PMPCA: variants seen among roughly 807,000 people sequenced by gnomAD.
PMPCA encodes peptidase, mitochondrial processing subunit alpha.
PMPCA carries 47 observed loss-of-function variants against 59.3 expected under a neutral mutation model. The ratio of observed to expected loss-of-function variants is 0.79; its 90% CI spans 0.63 to 1.01. PMPCA has a LOEUF of 1.01. Ranked by LOEUF, PMPCA falls within the 50% of genes least tolerant of loss-of-function variation. PMPCA has a pLI of 0.00. For synonymous variants in PMPCA, 338 were observed against 290.3 expected, an observed-to-expected ratio of 1.16 and a Z score of -1.67; for missense variants, 726 against 704.5, an observed-to-expected ratio of 1.03 and a Z score of -0.34.
chr9:136,423,571 T>G lies in PMPCA; in HGVS notation c.*307T>G. On this transcript the variant is annotated 3_prime_UTR_variant, in exon 13 of 13. Transcript: ENST00000371717. The stretch of plus-strand genomic sequence containing the variant: ...CTGTGGGCACATGGGGCCCCGCAGG[T>G]TCCTTGGAGGAGCCCTGAGCTGGGA... 3.0e-6 allele frequency: 1 copy of G among 329,590 alleles called. No homozygotes were observed. The highest frequency in any genetic ancestry group is 6.1e-5 in the East Asian group (1 of 16,498). 20.4% of individuals were successfully genotyped at this position (329,590 alleles called of 1,614,324 possible).
intron 11 of PMPCA, chr9:136,419,336 C>T (rs1410428004): frequency 8.2e-6 from 5 of 606,396 alleles, no homozygotes; most frequent in African/African-American, 1.8e-5. Context: ...AACAGAAAAA[C>T]AGACCACCGC....
Position 136,418,605 on chromosome 9 carries a change from T to C in PMPCA, c.1041T>C (p.Gly347=). 1.9e-6 allele frequency: 3 copies of C among 1,613,926 alleles called. No individual in the cohort carries two copies. The highest frequency in any genetic ancestry group is 1.3e-5 in the African/African-American group (1 of 75,010). ...TGTTGAACATGATGATGGGCGGAGG[T>C]GGCTCCTTCTCGGCTGGTGGGCCCG... is the stretch of plus-strand genomic sequence containing the variant. ...FAVLNMMMGG[G]GSFSAGGPGK... is the part of the protein sequence containing the mutation. Residue 347 remains glycine, a synonymous_variant, in exon 9 of 13, where the codon GGT becomes GGC. Transcript: ENST00000371717.
intron 12 of PMPCA, 180 bp downstream of exon 12, chr9:136,422,156 C>T: frequency 2.0e-6 from 3 of 1,535,708 alleles, no homozygotes; most frequent in Non-Finnish European, 2.6e-6. Context: ...GGTCGCAGAC[C>T]TGGTCTCACT....
In PMPCA at chr9:136,417,020, C is replaced by G. The variant is rs754699927; in HGVS notation, c.703C>G (p.Arg235Gly). Residue 235 changes from arginine (R) to glycine (G), a missense_variant, in exon 7 of 13, where the codon CGA (arginine) becomes GGA (glycine). Physicochemically the swap from Arg to Gly is moderately radical, Grantham distance 125. Coordinates refer to ENST00000371717, the MANE Select transcript of PMPCA (RefSeq NM_015160.3). ...CPTENVAKIN[R>G]EVLHSYLRNY... is the part of the protein sequence containing the mutation. ...CACAGAAAACGTAGCAAAGATCAAC[C>G]GAGAGGTGCTGCATTCCTACCTGAG... The G allele has an allele frequency of 6.2e-7, 1 of 1,613,388 alleles. No individual in the cohort carries two copies. The highest frequency in any genetic ancestry group is 1.3e-5 in the African/African-American group (1 of 74,900).
intron 5 of PMPCA, among the ~76,000 whole-genome samples, chr9:136,415,250 GAAA>G (rs900030511): frequency 6.6e-6 from 1 of 151,764 alleles, no homozygotes; most frequent in African/African-American, 2.4e-5. Context: ...CCACAAAAAG[GAAA>G]AAAAACCCAC....
intron 6 of PMPCA, 24 bp downstream of exon 6, chr9:136,416,415 C>A: frequency 6.6e-7 from 1 of 1,504,518 alleles, no homozygotes; most frequent in Non-Finnish European, 9.3e-7. Flanking sequence ...CTCGAGAATG[C>A]CCCCGCATCT....
chr9:136,412,257 G>A, intron 2 of PMPCA, 58 bp downstream of exon 2: 1 of 1,219,928 alleles, frequency 8.2e-7, no homozygotes, highest in Non-Finnish European at 1.2e-6. Context: ...ACATGCTTTA[G>A]TTGACTGTTA....
intron 12 of PMPCA, chr9:136,422,816 C>T (rs370166773): frequency 8.3e-5 from 103 of 1,234,536 alleles, no homozygotes; most frequent in East Asian, 1.1e-4. Context: ...TCATCAGACA[C>T]GGAGCTCGCT....
At chr9:136,421,583 T>A (rs888211939) in intron 11 of PMPCA, among the ~76,000 whole-genome samples, 1 of 151,948 alleles carries the variant, frequency 6.6e-6, no homozygotes, top group Non-Finnish European at 1.5e-5. Flanking sequence ...CTAATTTCTT[T>A]TTGTATTTTT....
intron 8 of PMPCA, 77 bp from the exon 9 acceptor site, chr9:136,418,478 C>A: frequency 1.1e-6 from 1 of 930,998 alleles, no homozygotes; most frequent in Non-Finnish European, 1.7e-6. Flanking sequence ...GCCAGCTCTG[C>A]CCTCCGTCCC....
At chr9:136,411,955 T>C (rs771065437) in intron 1 of PMPCA, 42 bp from the exon 2 acceptor site, 1 of 1,210,738 alleles carries the variant, frequency 8.3e-7, no homozygotes, top group Non-Finnish European at 1.2e-6. Flanking sequence ...ACAGGTTTGT[T>C]GTCTCAAGCC....
rs1001669132 is a variant in PMPCA at position 136,412,724 on chromosome 9, A to G, written c.355-86A>G. 6 of 901,118 alleles carry G rather than the reference A, an allele frequency of 6.7e-6. No homozygotes were observed. The South Asian group carries it at 8.6e-5, about 13-fold the overall frequency. The allele number at this position is 901,118 out of a possible 1,614,324, so 55.8% of individuals were successfully genotyped here. A position where few individuals can be genotyped will look rare whatever the true frequency, so the allele number is the denominator to read the frequency against. ...AAAAGATAATTTTTGTATGTGTGTT[A>G]AAAGCAAAAGTAGATTTTAAAAAAA... On this transcript the variant is annotated intron_variant, in intron 3 of 12. Coordinates refer to ENST00000371717, the MANE Select transcript of PMPCA (RefSeq NM_015160.3).
intron 1 of PMPCA, 72 bp downstream of exon 1, chr9:136,410,811 G>C (rs1030975359): frequency 1.6e-5 from 20 of 1,231,310 alleles, no homozygotes; most frequent in South Asian, 2.3e-5. Flanking sequence ...CTCCGTCTTC[G>C]GTTTCTACAG....
intron 12 of PMPCA, chr9:136,422,222 C>A: frequency 4.1e-6 from 6 of 1,459,262 alleles, no homozygotes; most frequent in Non-Finnish European, 4.6e-6. Flanking sequence ...ACCCTCTGCA[C>A]CCCTGGGAGG....
intron 11 of PMPCA, chr9:136,419,408 A>G (rs1477161075): frequency 5.9e-6 from 3 of 512,434 alleles, no homozygotes; most frequent in Admixed American, 6.4e-5. Flanking sequence ...CGTGGGACTG[A>G]CCATGTGACT....
intron 5 of PMPCA, chr9:136,416,010 C>G: frequency 1.9e-6 from 1 of 539,600 alleles, no homozygotes; most frequent in Non-Finnish European, 3.3e-6. Context: ...GGTCCAGTGT[C>G]TTCGGTGCCT....
In PMPCA at chr9:136,417,770, TG is replaced by T. The variant is rs924980257; in HGVS notation, c.898-246del. On this transcript the variant is annotated intron_variant, in intron 7 of 12. Transcript: ENST00000371717. ...CGCCCAGCTTATATGTATATACATATGTTTTTTTTTTTTTGTCTTTTTGGTA... is the reference window on the plus strand; with the variant it reads ...CGCCCAGCTTATATGTATATACATATTTTTTTTTTTTTTGTCTTTTTGGTA... Among the ~76,000 whole-genome samples, 12 of 138,152 alleles carry T rather than the reference TG, an allele frequency of 8.7e-5. No individual in the cohort carries two copies. The East Asian group carries it at 1.0e-3, about 12-fold the overall frequency. 90.6% of individuals were successfully genotyped at this position (138,152 alleles called of 152,430 possible).
At chr9:136,417,236 A>T (rs755620451) in intron 7 of PMPCA, 22 bp downstream of exon 7, 3 of 1,544,498 alleles carry the variant, frequency 1.9e-6, no homozygotes, top group Middle Eastern at 1.7e-4. Flanking sequence ...GGAACGTCTC[A>T]TGGCCTCGGG....
intron 6 of PMPCA, 112 bp from the exon 7 acceptor site, chr9:136,416,839 C>A: frequency 1.0e-6 from 1 of 965,996 alleles, no homozygotes; most frequent in Non-Finnish European, 1.5e-6. Flanking sequence ...AAAATATCAG[C>A]TTGCGTCGGA....
Sources: gnomAD v4.1 joint callset for allele counts (sites outside exome capture counted in the v4.1 genomes callset) on GRCh38, gnomAD v4.1.1 for gene constraint, MANE v1.5 for transcripts, NCBI Gene and HGNC (gene_info 2026-07-23, HGNC 2026-07-21) for gene names.